DNAH5: variants seen among roughly 807,000 people sequenced by gnomAD.
DNAH5 encodes the protein dynein axonemal heavy chain 5.
Under a neutral mutation model 518.2 loss-of-function variants are expected in DNAH5, and 372 were observed. The observed-to-expected ratio is 0.72, with a 90% CI of 0.66 to 0.78. The LOEUF is 0.78. DNAH5 is among the 30% of genes least tolerant of loss of function. The pLI, the probability that DNAH5 is intolerant of heterozygous loss-of-function variation, is 0.00. For synonymous variants in DNAH5, 2,039 were observed against 2,025.9 expected (o/e 1.01, Z -0.17); for missense variants, 5,523 against 5,687.0 (o/e 0.97, Z 0.93).
intron 23 of DNAH5, among the ~76,000 whole-genome samples, chr5:13,871,219 TG>T (rs1399625597): frequency 7.9e-5 from 12 of 152,204 alleles, no homozygotes; most frequent in Admixed American, 2.0e-4. Context: ...CATTTCAAAA[TG>T]TTTTTTTAAA....
In DNAH5 at chr5:13,780,442, GA is replaced by G. The variant is rs1358960034; in HGVS notation, c.8951+386del. 5.9e-5 allele frequency among the ~76,000 whole-genome samples: 9 copies of G among 152,268 alleles called. No individual in the cohort carries two copies. The East Asian group carries it at 1.7e-3, about 29-fold the overall frequency. On this transcript the variant is annotated intron_variant, in intron 53 of 78. Transcript: ENST00000265104. ...ATAGGCAGTGTTCAATAACTATTCT[GA>G]AATGTTGGAATGAGTAAACCAATAT...
chr5:13,708,168 T>G lies in DNAH5; in HGVS notation c.13293A>C (p.Ala4431=). 1 of 1,614,176 alleles carries G rather than the reference T, an allele frequency of 6.2e-7. No individual in the cohort carries two copies. Among genetic ancestry groups the G allele is most frequent in the Non-Finnish European group, 8.5e-7 (1 of 1,180,002 alleles). The stretch of plus-strand genomic sequence containing the variant: ...TTCTAGCATCAAACATGCAATCCAA[T>G]GCATCTCGCAGATTTTCGCTCATGA... ...TIIMSENLRD[A]LDCMFDARIP... Residue 4431 remains alanine, a synonymous_variant, in exon 76 of 79, where the codon GCA becomes GCC. Transcript: ENST00000265104.
chr5:13,829,990 G>C, intron 37 of DNAH5, 36 bp downstream of exon 37: 1 of 1,583,444 alleles, frequency 6.3e-7, no homozygotes, highest in Non-Finnish European at 8.7e-7. Context: ...GTGATAAGAA[G>C]GCTGAAATTC....
Position 13,885,070 on chromosome 5 carries a change from C to G in DNAH5, c.2902G>C (p.Asp968His). 1 of 1,614,192 alleles carries G rather than the reference C, an allele frequency of 6.2e-7. No individual in the cohort carries two copies. Among genetic ancestry groups the G allele is most frequent in the Non-Finnish European group, 8.5e-7 (1 of 1,180,016 alleles). The change falls in exon 19 of 79, where the codon GAT becomes CAT. Residue 968 changes from aspartate (D) to histidine (H), a missense_variant. By Grantham distance (81) the Asp-to-His change is moderately conservative. This residue lies in a region of DNAH5 where 5,121 missense variants were observed against 5,223.3 expected (regional missense o/e 0.98). Coordinates refer to ENST00000265104, the MANE Select transcript of DNAH5 (RefSeq NM_001369.3). ...TTCCTTGTAACTTTCAGAAGAGCAT[C>G]CATGTTCTGATGGTTGAAATGAGAG... Reference protein sequence around the residue: ...LLSHFNHQNMDALLKVTRNTL... With the variant: ...LLSHFNHQNMHALLKVTRNTL...
Position 13,708,168 on chromosome 5 carries a change from T to C in DNAH5, c.13293A>G (p.Ala4431=), listed in dbSNP as rs2126455297. The C allele has an allele frequency of 1.2e-6, 2 of 1,614,176 alleles. No homozygotes were observed. Among genetic ancestry groups the C allele is most frequent in the Non-Finnish European group, 1.7e-6 (2 of 1,180,002 alleles). ...TIIMSENLRD[A]LDCMFDARIP... is the part of the protein sequence containing the mutation. ...TTCTAGCATCAAACATGCAATCCAATGCATCTCGCAGATTTTCGCTCATGA... is the reference window on the plus strand; with the variant it reads ...TTCTAGCATCAAACATGCAATCCAACGCATCTCGCAGATTTTCGCTCATGA... The change falls in exon 76 of 79, where the codon GCA becomes GCG. Residue 4431 remains alanine (A), a synonymous_variant. Coordinates refer to ENST00000265104, the MANE Select transcript of DNAH5 (RefSeq NM_001369.3).
At chr5:13,783,964 G>T (rs1317741720) in intron 52 of DNAH5, among the ~76,000 whole-genome samples, 1 of 152,192 alleles carries the variant, frequency 6.6e-6, no homozygotes, top group African/African-American at 2.4e-5. Flanking sequence ...TTCCAGAGCA[G>T]ACAGACAAGA....
Position 13,864,597 on chromosome 5 carries a change from A to C in DNAH5, c.4396T>G (p.Phe1466Val). The change falls in exon 28 of 79, where the codon TTT (phenylalanine) becomes GTT (valine). Residue 1466 changes from phenylalanine (F) to valine (V), a missense_variant. Transcript: ENST00000265104. ...LPRALKDWQA[F>V]LDLKKIIDDF... is the part of the protein sequence containing the mutation. ...TCAATGATCTTCTTCAGGTCCAAAA[A>C]AGCCTGCCAGTCCTTCAAGGCCCGG... 1.2e-6 allele frequency: 2 copies of C among 1,614,124 alleles called. No homozygotes were observed. Among genetic ancestry groups the C allele is most frequent in the Non-Finnish European group, 1.7e-6 (2 of 1,180,012 alleles).
At chr5:13,770,052 A>AAC (rs1580146282) in intron 56 of DNAH5, among the ~76,000 whole-genome samples, 1 of 152,230 alleles carries the variant, frequency 6.6e-6, no homozygotes, top group East Asian at 1.9e-4. Flanking sequence ...AAGCCATCAG[A>AAC]ACAGCTGTAG....
In DNAH5 at chr5:13,965,014, C is replaced by G. The variant is rs569982785; in HGVS notation, c.13-33770G>C. 4.6e-5 allele frequency among the ~76,000 whole-genome samples: 7 copies of G among 152,280 alleles called. No homozygotes were observed. The South Asian group carries it at 1.2e-3, about 27-fold the overall frequency. On this transcript the variant is annotated intron_variant, in intron 1 of 78. Transcript: ENST00000681290. Reference sequence around the variant, plus strand: ...TCCACCTCGTCCACTGGGGAAGCTCCTGTTCTTTGTTTCCAACTTGGTTAG... The same window carrying G: ...TCCACCTCGTCCACTGGGGAAGCTCGTGTTCTTTGTTTCCAACTTGGTTAG...
rs751958071 is a variant in DNAH5, at chr5:13,823,361, C to T, written c.6589G>A (p.Asp2197Asn). 4 of 1,609,304 alleles carry T rather than the reference C, an allele frequency of 2.5e-6. No homozygotes were observed. In the South Asian group the frequency reaches 4.4e-5, roughly 18 times the overall value. Residue 2197 changes from aspartate to asparagine, a missense_variant, in exon 40 of 79, where the codon GAT becomes AAT. Physicochemically the swap from Asp to Asn is conservative, Grantham distance 23. This residue lies in a region of DNAH5 where 5,121 missense variants were observed against 5,223.3 expected (regional missense o/e 0.98). Transcript: ENST00000265104. ...ATCAAACTCAAAAACAAGGGTTCAT[C>T]CTCATCAATCTAAAAAAAGAAAATG... ...DMNLSKLIDE[D>N]EPLFLSLIED...
intron 1 of DNAH5, among the ~76,000 whole-genome samples, chr5:13,950,594 G>T (rs967798295): frequency 2.0e-5 from 3 of 152,156 alleles, no homozygotes; most frequent in African/African-American, 7.2e-5. Context: ...TGTATATAAA[G>T]CTGTAGTGCT....
chr5:13,994,833 G>A (rs925592899), intron 1 of DNAH5, among the ~76,000 whole-genome samples: 1 of 152,100 alleles, frequency 6.6e-6, no homozygotes, highest in Admixed American at 6.6e-5. Context: ...AATTTCTTCT[G>A]CCTGCGTGGC....
rs141072655 is a variant in DNAH5, at chr5:13,901,467, C to T, written c.1837G>A (p.Asp613Asn). Residue 613 changes from aspartate to asparagine, a missense_variant, in exon 14 of 79, where the codon GAT (aspartate) becomes AAT (asparagine). Coordinates refer to ENST00000265104, the MANE Select transcript of DNAH5 (RefSeq NM_001369.3). Reference sequence around the variant, plus strand: ...GGCTGGTTTCGAGCCAGAGGAGGATCGTATTTCTGCTTTGTATACAGCTTT... The same window carrying T: ...GGCTGGTTTCGAGCCAGAGGAGGATTGTATTTCTGCTTTGTATACAGCTTT... ...ISKLYTKQKY[D>N]PPLARNQPPI... 26 of 1,613,776 alleles carry T rather than the reference C, an allele frequency of 1.6e-5. No homozygotes were observed. Among genetic ancestry groups the T allele is most frequent in the Non-Finnish European group, 2.0e-5 (24 of 1,180,000 alleles).
chr5:13,887,228 T>C (rs1364478002), intron 17 of DNAH5, among the ~76,000 whole-genome samples: 3 of 152,224 alleles, frequency 2.0e-5, no homozygotes, highest in African/African-American at 4.8e-5. Flanking sequence ...TTTGAGATCA[T>C]AAAATTCCTT....
chr5:13,842,026 C>A, intron 32 of DNAH5, 122 bp from the exon 33 acceptor site: 5 of 644,738 alleles, frequency 7.8e-6, no homozygotes, highest in East Asian at 5.6e-5. Context: ...CTGTAAAAGC[C>A]AAATATAAAC....
intron 1 of DNAH5, among the ~76,000 whole-genome samples, chr5:13,977,454 G>C (rs373516592): frequency 6.6e-6 from 1 of 150,474 alleles, no homozygotes; most frequent in African/African-American, 2.4e-5. Context: ...ATTTCTCACC[G>C]CTCAGGAGGC....
intron 1 of DNAH5, among the ~76,000 whole-genome samples, chr5:14,001,606 G>T (rs1171917576): frequency 6.6e-6 from 1 of 151,544 alleles, no homozygotes; most frequent in Non-Finnish European, 1.5e-5. Context: ...CTCATGATCT[G>T]CCCGCCTCAG....
chr5:13,833,870 T>C (rs1429707035), intron 35 of DNAH5, among the ~76,000 whole-genome samples: 4 of 152,240 alleles, frequency 2.6e-5, no homozygotes, highest in Non-Finnish European at 5.9e-5. Context: ...ATAATAGCTA[T>C]TTTATCATCT....
intron 1 of DNAH5, among the ~76,000 whole-genome samples, chr5:13,953,128 TAAG>T (rs1334832965): frequency 6.6e-6 from 1 of 152,240 alleles, no homozygotes; most frequent in Non-Finnish European, 1.5e-5. Context: ...ATCTTATTGC[TAAG>T]AAGACTAAAT....
Sources: gnomAD v4.1 joint callset for allele counts (sites outside exome capture counted in the v4.1 genomes callset) on GRCh38, gnomAD v4.1.1 for gene constraint, gnomAD v4.1.1 regional missense constraint, MANE v1.5 for transcripts, NCBI Gene and HGNC (gene_info 2026-07-23, HGNC 2026-07-21) for gene names.